The following RARB variants were observed in gnomAD, a reference collection of about 807,000 sequenced individuals.
RARB encodes retinoic acid receptor beta.
In RARB, 17 loss-of-function variants were observed where a neutral mutation model predicts 51.9. That is an observed-to-expected ratio of 0.33 (90% CI 0.22 to 0.49). RARB has a LOEUF of 0.49. RARB is among the 20% of genes least tolerant of loss of function. The pLI is 0.99. For missense variants in RARB, 369 were observed against 550.8 expected (o/e 0.67, Z 3.30); for synonymous variants, 215 against 195.4 (o/e 1.10, Z -0.84).
chr3:25,467,128 A>T (rs1039074212), intron 2 of RARB, among the ~76,000 whole-genome samples: 1 of 152,200 alleles, frequency 6.6e-6, no homozygotes, highest in East Asian at 1.9e-4. Flanking sequence ...CCACTTTCCC[A>T]TCATCCAAAA....
intron 2 of RARB, among the ~76,000 whole-genome samples, chr3:24,884,234 G>A (rs1054522264): frequency 6.6e-6 from 1 of 152,136 alleles, no homozygotes; most frequent in African/African-American, 2.4e-5. Context: ...ACCACATATG[G>A]GGTCTACTGA....
intron 2 of RARB, among the ~76,000 whole-genome samples, chr3:25,031,169 C>T (rs1446091300): frequency 6.6e-6 from 1 of 152,128 alleles, no homozygotes; most frequent in East Asian, 1.9e-4. Context: ...TTGTGACAAC[C>T]AAATAAAAAT....
chr3:25,073,834 T>TC (rs1175416269), intron 3 of RARB, among the ~76,000 whole-genome samples: 1 of 152,018 alleles, frequency 6.6e-6, no homozygotes. Flanking sequence ...ATAGTGACTT[T>TC]TTTTTTTTTA....
At chr3:24,867,353 AGTTG>A (rs993618233) in intron 2 of RARB, among the ~76,000 whole-genome samples, 13 of 152,226 alleles carry the variant, frequency 8.5e-5, no homozygotes, top group Admixed American at 8.5e-4. Flanking sequence ...GCAAGATGGG[AGTTG>A]GTTAAATGAG....
chr3:25,279,034 T>A (rs1019319156), intron 5 of RARB, among the ~76,000 whole-genome samples: 3 of 152,196 alleles, frequency 2.0e-5, no homozygotes, highest in Admixed American at 6.5e-5. Flanking sequence ...ACTTTTCAAG[T>A]GGTGATCACA....
chr3:24,890,803 G>A (rs1316894371), intron 2 of RARB, among the ~76,000 whole-genome samples: 1 of 152,036 alleles, frequency 6.6e-6, no homozygotes, highest in Non-Finnish European at 1.5e-5. Flanking sequence ...CTTCCTACAT[G>A]CCTCGGCAAT....
rs183619713 is a variant in RARB, at chr3:25,084,517, C to A, written c.-328+24341C>A. Among the ~76,000 whole-genome samples the A allele has an allele frequency of 3.9e-5, 5 of 127,534 alleles. No individual in the cohort carries two copies. The Admixed American group carries it at 4.3e-4, about 11-fold the overall frequency. 83.7% of individuals were successfully genotyped at this position (127,534 alleles called of 152,430 possible). A position where few individuals can be genotyped will look rare whatever the true frequency, so the allele number is the denominator to read the frequency against. The stretch of plus-strand genomic sequence containing the variant: ...TGGAAATATGTTGATATCATCAATA[C>A]GTATTGGATTCTTTACACATCATTA... On this transcript the variant is annotated intron_variant, in intron 3 of 11. Coordinates refer to the RARB transcript ENST00000383772.
At chr3:25,398,506 C>T (rs1707177929) in intron 5 of RARB, among the ~76,000 whole-genome samples, 2 of 152,178 alleles carry the variant, frequency 1.3e-5, no homozygotes, top group Admixed American at 1.3e-4. Context: ...TGAAATATTG[C>T]TGGCATATAT....
intron 1 of RARB, among the ~76,000 whole-genome samples, chr3:25,449,453 G>T (rs879521609): frequency 1.3e-5 from 2 of 152,048 alleles, no homozygotes; most frequent in Non-Finnish European, 2.9e-5. Flanking sequence ...TCTTTATGCT[G>T]GGTTAACTGT....
intron 4 of RARB, among the ~76,000 whole-genome samples, chr3:25,572,821 C>T (rs1437653235): frequency 6.6e-6 from 1 of 152,142 alleles, no homozygotes; most frequent in African/African-American, 2.4e-5. Context: ...CCGCCTCCTC[C>T]AGGTGGTATC....
At chr3:24,885,535 A>G (rs1392224656) in intron 2 of RARB, among the ~76,000 whole-genome samples, 1 of 152,204 alleles carries the variant, frequency 6.6e-6, no homozygotes, top group East Asian at 1.9e-4. Context: ...GAATTCTAGA[A>G]TGAGTGCCGT....
chr3:24,949,816 C>G (rs956202575), intron 2 of RARB, among the ~76,000 whole-genome samples: 2 of 152,144 alleles, frequency 1.3e-5, no homozygotes, highest in African/African-American at 4.8e-5. Context: ...TGAATGGTCA[C>G]AAGATGAATT....
chr3:25,433,785 A>G (rs1362727144), intron 1 of RARB, among the ~76,000 whole-genome samples: 2 of 152,184 alleles, frequency 1.3e-5, no homozygotes, highest in Non-Finnish European at 2.9e-5. Context: ...TCCTCTTTTC[A>G]TTCCCAGCTT....
At chr3:25,539,532 CTTT>C (rs56693487) in intron 3 of RARB, among the ~76,000 whole-genome samples, 8 of 102,428 alleles carry the variant, frequency 7.8e-5, no homozygotes, top group Non-Finnish European at 1.1e-4. Flanking sequence ...CTCTCTCTCT[CTTT>C]TTTTTTTTTT....
intron 2 of RARB, among the ~76,000 whole-genome samples, chr3:25,004,718 A>G (rs1298674097): frequency 6.6e-6 from 1 of 152,134 alleles, no homozygotes; most frequent in East Asian, 1.9e-4. Context: ...GCCTCTACTC[A>G]TTCCCAATAG....
intron 5 of RARB, among the ~76,000 whole-genome samples, chr3:25,195,757 C>A (rs1193957601): frequency 6.6e-6 from 1 of 151,856 alleles, no homozygotes; most frequent in Non-Finnish European, 1.5e-5. Context: ...AATTAAAATT[C>A]TATGTAGAAA....
At chr3:25,318,792 A>G (rs1442681153) in intron 5 of RARB, among the ~76,000 whole-genome samples, 2 of 152,182 alleles carry the variant, frequency 1.3e-5, no homozygotes, top group Admixed American at 1.3e-4. Context: ...ACCACCCTGA[A>G]ACTCTCTCAT....
At chr3:24,987,239 C>A (rs1168617898) in intron 2 of RARB, among the ~76,000 whole-genome samples, 1 of 114,462 alleles carries the variant, frequency 8.7e-6, no homozygotes, top group African/African-American at 3.4e-5. Context: ...ATTTCAAAAT[C>A]AACATCTGTT....
intron 5 of RARB, among the ~76,000 whole-genome samples, chr3:25,264,910 C>T (rs1302299254): frequency 2.0e-5 from 3 of 152,248 alleles, no homozygotes; most frequent in East Asian, 1.9e-4. Context: ...CCCAGAAATT[C>T]ATATGTAAAA....
Sources: allele counts gnomAD v4.1 joint callset (sites outside exome capture counted in the v4.1 genomes callset), GRCh38; gene constraint gnomAD v4.1.1; transcripts MANE v1.5; gene names NCBI Gene and HGNC (gene_info 2026-07-23, HGNC 2026-07-21).